FYB2: variants seen among roughly 807,000 people sequenced by gnomAD.
FYB2 encodes FYN binding protein 2, also known as FYN-binding protein 2.
FYB2 carries 103 observed loss-of-function variants against 94.1 expected under a neutral mutation model. That is an observed-to-expected ratio of 1.09 (90% CI 0.93 to 1.29). The LOEUF is 1.29. Ranked by LOEUF, FYB2 falls within the 50% of genes most tolerant of loss-of-function variation. FYB2 has a pLI of 0.00. For synonymous variants in FYB2, 293 were observed against 287.9 expected, an observed-to-expected ratio of 1.02 and a Z score of -0.18; for missense variants, 896 against 841.5, an observed-to-expected ratio of 1.06 and a Z score of -0.80.
chr1:56,816,460 GAC>G (rs1198803442), intron 1 of FYB2, among the ~76,000 whole-genome samples: 1 of 152,166 alleles, frequency 6.6e-6, no homozygotes, highest in African/African-American at 2.4e-5. Flanking sequence ...GACCTTTTAT[GAC>G]ACAGTCTCTG....
intron 1 of FYB2, among the ~76,000 whole-genome samples, chr1:56,794,872 C>G (rs79083919): frequency 6.6e-6 from 1 of 152,078 alleles, no homozygotes; most frequent in Non-Finnish European, 1.5e-5. Flanking sequence ...ATTTTCCTCA[C>G]TATGAAATGA....
At chr1:56,755,669 T>C (rs1165759130) in intron 7 of FYB2, among the ~76,000 whole-genome samples, 1 of 152,102 alleles carries the variant, frequency 6.6e-6, no homozygotes, top group Non-Finnish European at 1.5e-5. Flanking sequence ...TGTTGGGTAC[T>C]CAGTAAATGT....
chr1:56,814,849 C>T (rs536692032), intron 1 of FYB2, among the ~76,000 whole-genome samples: 2 of 152,276 alleles, frequency 1.3e-5, no homozygotes, highest in Admixed American at 6.5e-5. Context: ...GAAAAACCCT[C>T]CAAAATTGCT....
intron 6 of FYB2, among the ~76,000 whole-genome samples, chr1:56,756,854 C>T (rs778670775): frequency 7.2e-5 from 11 of 152,044 alleles, no homozygotes; most frequent in Non-Finnish European, 1.5e-4. Flanking sequence ...ATGAAAAACT[C>T]ATTGCTAGAC....
chr1:56,724,880 T>G (rs1644554733), intron 16 of FYB2, among the ~76,000 whole-genome samples: 1 of 152,000 alleles, frequency 6.6e-6, no homozygotes, highest in African/African-American at 2.4e-5. Context: ...TGGGGCCTAA[T>G]GGGAGATGTT....
intron 1 of FYB2, among the ~76,000 whole-genome samples, chr1:56,794,826 G>A (rs955152745): frequency 2.0e-5 from 3 of 152,030 alleles, no homozygotes; most frequent in African/African-American, 4.8e-5. Context: ...TTCCACTTAC[G>A]TGCCTTGGGC....
intron 3 of FYB2, among the ~76,000 whole-genome samples, chr1:56,788,625 C>T (rs988435842): frequency 3.3e-5 from 5 of 152,192 alleles, no homozygotes; most frequent in African/African-American, 1.2e-4. Flanking sequence ...CACTCCCTCC[C>T]CACTTCTCCT....
At chr1:56,743,652 G>T (rs1300021409) in intron 11 of FYB2, among the ~76,000 whole-genome samples, 1 of 152,028 alleles carries the variant, frequency 6.6e-6, no homozygotes, top group Non-Finnish European at 1.5e-5. Flanking sequence ...CCAGAGGTCT[G>T]TAGGGGTAGG....
chr1:56,805,693 T>C (rs1157385391), intron 1 of FYB2, among the ~76,000 whole-genome samples: 2 of 152,178 alleles, frequency 1.3e-5, no homozygotes, highest in Non-Finnish European at 2.9e-5. Context: ...TGGGAGGTAA[T>C]TGAATCACGG....
chr1:56,735,843 C>T (rs982531712), intron 15 of FYB2, among the ~76,000 whole-genome samples: 3 of 152,086 alleles, frequency 2.0e-5, no homozygotes, highest in Non-Finnish European at 2.9e-5. Context: ...TTATTAATTA[C>T]CTAGTCTCAG....
intron 4 of FYB2, among the ~76,000 whole-genome samples, chr1:56,786,845 C>T (rs977594062): frequency 4.6e-5 from 7 of 152,192 alleles, no homozygotes; most frequent in Admixed American, 1.3e-4. Context: ...CAATTCCTAA[C>T]ATCACACCAG....
At chr1:56,757,276 A>T (rs1224724818) in intron 6 of FYB2, among the ~76,000 whole-genome samples, 1 of 152,124 alleles carries the variant, frequency 6.6e-6, no homozygotes, top group East Asian at 1.9e-4. Context: ...TACTGCCATT[A>T]ATAGAAATAA....
intron 1 of FYB2, among the ~76,000 whole-genome samples, chr1:56,811,545 G>A (rs1043836545): frequency 8.5e-5 from 13 of 152,136 alleles, no homozygotes; most frequent in African/African-American, 2.9e-4. Flanking sequence ...GCCAGCCCTT[G>A]CTCCAGGTGG....
At chr1:56,756,981 G>T (rs1645348971) in intron 6 of FYB2, among the ~76,000 whole-genome samples, 2 of 152,216 alleles carry the variant, frequency 1.3e-5, no homozygotes, top group South Asian at 4.1e-4. Context: ...CAAAAGAAGA[G>T]CATAAACTAT....
intron 1 of FYB2, among the ~76,000 whole-genome samples, chr1:56,818,410 G>T (rs1052262675): frequency 4.0e-5 from 6 of 151,266 alleles, no homozygotes; most frequent in African/African-American, 1.5e-4. Context: ...TGATTCATGG[G>T]AGAAAATGAC....
chr1:56,726,407 A>T, intron 16 of FYB2, 90 bp downstream of exon 16: 1 of 1,213,676 alleles, frequency 8.2e-7, no homozygotes. Context: ...GCTGAGAATC[A>T]AATTTCATTA....
intron 17 of FYB2, among the ~76,000 whole-genome samples, chr1:56,721,113 T>C (rs895103163): frequency 6.6e-6 from 1 of 152,050 alleles, no homozygotes; most frequent in African/African-American, 2.4e-5. Context: ...GGCATTTTGT[T>C]AGAAACTCCT....
In FYB2 at chr1:56,751,068, G is replaced by A; in HGVS notation, c.1363C>T (p.Leu455=). ...QTNPCPEGPK[L]ARHSQGHCGH... ...CAGTGGCCTTGGGAGTGCCTGGCCA[G>A]CTTTGGGCCCTCAGGGCAGGGATTT... The change falls in exon 9 of 20, where the codon CTG becomes TTG. Residue 455 remains leucine, a synonymous_variant. Transcript: ENST00000343433. 1.2e-6 allele frequency: 2 copies of A among 1,612,740 alleles called. No individual in the cohort carries two copies. Among genetic ancestry groups the A allele is most frequent in the Non-Finnish European group, 1.7e-6 (2 of 1,179,154 alleles).
chr1:56,749,066 T>TG (rs1553157577), intron 9 of FYB2, among the ~76,000 whole-genome samples: 6 of 151,738 alleles, frequency 4.0e-5, no homozygotes, highest in African/African-American at 1.5e-4. Context: ...TTTTTTTTTT[T>TG]TGTGGGTGAT....
Sources: allele counts gnomAD v4.1 joint callset (sites outside exome capture counted in the v4.1 genomes callset), GRCh38; gene constraint gnomAD v4.1.1; transcripts MANE v1.5; gene names NCBI Gene and HGNC (gene_info 2026-07-23, HGNC 2026-07-21).